The following LRP1B variants were observed in gnomAD, a reference collection of about 807,000 sequenced individuals.
LRP1B encodes low-density lipoprotein receptor-related protein 1B.
In LRP1B, 217 loss-of-function variants were observed where a neutral mutation model predicts 556.6. The ratio of observed to expected loss-of-function variants is 0.39; its 90% CI spans 0.35 to 0.44. LRP1B has a LOEUF of 0.44. Among genes scored for constraint, LRP1B ranks in the 20% least tolerant of loss-of-function variants. The pLI is 1.00. For synonymous variants in LRP1B, 2,047 were observed against 1,865.8 expected (o/e 1.10, Z -2.50); for missense variants, 5,053 against 5,620.8 (o/e 0.90, Z 3.23).
intron 11 of LRP1B, among the ~76,000 whole-genome samples, chr2:141,029,516 C>G (rs1243587995): frequency 1.3e-5 from 2 of 152,090 alleles, no homozygotes; most frequent in Non-Finnish European, 2.9e-5. Context: ...TGTGTAACTG[C>G]TAGCTCCACA....
chr2:141,484,585 T>C (rs1214896691), intron 2 of LRP1B, among the ~76,000 whole-genome samples: 4 of 152,098 alleles, frequency 2.6e-5, no homozygotes, highest in Non-Finnish European at 5.9e-5. Context: ...TTGATTCTTC[T>C]TACCCATGAG....
At chr2:140,358,238 G>T in intron 73 of LRP1B, 122 bp from the exon 74 acceptor site, 1 of 963,860 alleles carries the variant, frequency 1.0e-6, no homozygotes, top group Non-Finnish European at 1.5e-6. Flanking sequence ...TCCTTTATCT[G>T]AAGCTCTCAA....
chr2:140,601,405 T>G (rs1682666209), intron 42 of LRP1B, 45 bp downstream of exon 42: 1 of 1,360,128 alleles, frequency 7.4e-7, no homozygotes, highest in Non-Finnish European at 9.9e-7. Flanking sequence ...GATATTCTTT[T>G]GACTTATAAC....
At chr2:141,511,224 T>A (rs1194326759) in intron 2 of LRP1B, among the ~76,000 whole-genome samples, 7 of 152,116 alleles carry the variant, frequency 4.6e-5, no homozygotes, top group Non-Finnish European at 1.0e-4. Flanking sequence ...AATTTATATG[T>A]CTCTAATATG....
intron 10 of LRP1B, among the ~76,000 whole-genome samples, chr2:141,054,582 G>A (rs1404890): frequency 5.9e-4 from 83 of 140,646 alleles, no homozygotes; most frequent in African/African-American, 1.6e-3. Flanking sequence ...TGATAAAATC[G>A]TTAAAACTTT....
chr2:140,880,679 A>G (rs2105180719), intron 25 of LRP1B, among the ~76,000 whole-genome samples: 1 of 152,240 alleles, frequency 6.6e-6, no homozygotes, highest in East Asian at 1.9e-4. Context: ...TTGTGAGGCT[A>G]GTGTTAGGGC....
At chr2:140,466,581 G>A (rs1006204178) in intron 60 of LRP1B, among the ~76,000 whole-genome samples, 1 of 152,124 alleles carries the variant, frequency 6.6e-6, no homozygotes, top group Non-Finnish European at 1.5e-5. Context: ...ATATAAAAGA[G>A]TTCAGTGGTA....
chr2:140,484,011 T>C (rs1367417818), intron 59 of LRP1B, among the ~76,000 whole-genome samples: 1 of 152,138 alleles, frequency 6.6e-6, no homozygotes, highest in Non-Finnish European at 1.5e-5. Context: ...TAAGAATGAA[T>C]AGATGATAGC....
At chr2:141,803,416 T>A (rs1033890073) in intron 2 of LRP1B, among the ~76,000 whole-genome samples, 3 of 151,832 alleles carry the variant, frequency 2.0e-5, no homozygotes, top group Non-Finnish European at 2.9e-5. Context: ...GTGGGAGTCT[T>A]TTTATTATTA....
intron 11 of LRP1B, among the ~76,000 whole-genome samples, chr2:141,036,663 C>A (rs1007489633): frequency 6.6e-6 from 1 of 152,018 alleles, no homozygotes; most frequent in African/African-American, 2.4e-5. Context: ...GGGTAAGAAA[C>A]CCCCTGGTCC....
chr2:140,864,416 A>G (rs1692888424), intron 27 of LRP1B, among the ~76,000 whole-genome samples: 1 of 152,096 alleles, frequency 6.6e-6, no homozygotes, highest in Non-Finnish European at 1.5e-5. Context: ...AGAATTTATA[A>G]TTGGTATGTG....
chr2:140,586,242 T>C (rs1681980708), intron 43 of LRP1B, among the ~76,000 whole-genome samples: 1 of 152,152 alleles, frequency 6.6e-6, no homozygotes, highest in Non-Finnish European at 1.5e-5. Context: ...AGAAATTCCA[T>C]GGAAGTGTGT....
At chr2:142,130,266 C>G (rs1004927404) in intron 1 of LRP1B, among the ~76,000 whole-genome samples, 1 of 152,226 alleles carries the variant, frequency 6.6e-6, no homozygotes, top group Non-Finnish European at 1.5e-5. Context: ...CGCGGAGAAC[C>G]TGGAGCTCGC....
At chr2:140,958,856 GA>G (rs1695950901) in intron 18 of LRP1B, among the ~76,000 whole-genome samples, 1 of 151,438 alleles carries the variant, frequency 6.6e-6, no homozygotes, top group African/African-American at 2.4e-5. Flanking sequence ...GAACATTTTA[GA>G]AAATAATTTA....
intron 2 of LRP1B, among the ~76,000 whole-genome samples, chr2:141,525,033 G>A (rs1393288692): frequency 6.6e-6 from 1 of 151,920 alleles, no homozygotes; most frequent in Non-Finnish European, 1.5e-5. Context: ...CATTAATATC[G>A]ACTCTTGTTT....
intron 5 of LRP1B, among the ~76,000 whole-genome samples, chr2:141,243,732 T>G (rs1683965573): frequency 6.6e-6 from 1 of 152,156 alleles, no homozygotes; most frequent in South Asian, 2.1e-4. Flanking sequence ...CCATTGAAGT[T>G]CCTCCCAACT....
chr2:141,403,214 T>C (rs1559051223), intron 3 of LRP1B, among the ~76,000 whole-genome samples: 2 of 152,138 alleles, frequency 1.3e-5, no homozygotes, highest in Admixed American at 6.5e-5. Context: ...TAAACTAATG[T>C]GAGCCTAAGA....
At chr2:141,645,673 T>C (rs538031704) in intron 2 of LRP1B, among the ~76,000 whole-genome samples, 4 of 151,818 alleles carry the variant, frequency 2.6e-5, no homozygotes, top group Non-Finnish European at 5.9e-5. Context: ...AATTATTTGA[T>C]CAACTGAGTA....
At chr2:140,593,267 A>G (rs562266447) in intron 43 of LRP1B, among the ~76,000 whole-genome samples, 1 of 152,260 alleles carries the variant, frequency 6.6e-6, no homozygotes, top group South Asian at 2.1e-4. Context: ...AGCAATTCCA[A>G]TTTCTAGGAA....
Sources: gnomAD v4.1 joint callset for allele counts (sites outside exome capture counted in the v4.1 genomes callset) on GRCh38, gnomAD v4.1.1 for gene constraint, MANE v1.5 for transcripts, NCBI Gene and HGNC (gene_info 2026-07-23, HGNC 2026-07-21) for gene names.